Variants in DENND1A observed in about 807,000 individuals in gnomAD.
DENND1A encodes DENN domain-containing protein 1A.
A neutral mutation model predicts 113.7 loss-of-function variants in DENND1A; 51 were observed. That is an observed-to-expected ratio of 0.45 (90% CI 0.36 to 0.57). The LOEUF is 0.57. Ranked by LOEUF, DENND1A falls within the 20% of genes least tolerant of loss-of-function variation. DENND1A has a pLI of 0.00. For synonymous variants in DENND1A, 565 were observed against 570.8 expected (o/e 0.99, Z 0.14); for missense variants, 1,258 against 1,395.9 (o/e 0.90, Z 1.57).
At chr9:123,634,551 G>C (rs1302909180) in intron 9 of DENND1A, among the ~76,000 whole-genome samples, 3 of 152,164 alleles carry the variant, frequency 2.0e-5, no homozygotes, top group Non-Finnish European at 2.9e-5. Context: ...AAAGGCCTAT[G>C]TTCATTCCTT....
intron 13 of DENND1A, among the ~76,000 whole-genome samples, chr9:123,543,676 G>GC (rs1340308952): frequency 1.3e-5 from 2 of 152,154 alleles, no homozygotes; most frequent in African/African-American, 4.8e-5. Context: ...GCTACTTCCT[G>GC]CCCCCTGCTC....
intron 5 of DENND1A, among the ~76,000 whole-genome samples, chr9:123,745,186 T>C (rs2069386528): frequency 6.6e-6 from 1 of 152,202 alleles, no homozygotes; most frequent in Admixed American, 6.5e-5. Context: ...AGGACTGGAA[T>C]GCAGGCCCTA....
intron 11 of DENND1A, among the ~76,000 whole-genome samples, chr9:123,589,101 C>T (rs918693288): frequency 1.3e-5 from 2 of 152,110 alleles, no homozygotes; most frequent in African/African-American, 2.4e-5. Flanking sequence ...GATTTTCTCA[C>T]TGATTCTGAT....
At chr9:123,416,864 A>G (rs2044770522) in intron 19 of DENND1A, among the ~76,000 whole-genome samples, 1 of 152,238 alleles carries the variant, frequency 6.6e-6, no homozygotes. Context: ...AGGGGGATTC[A>G]GAGAATAAGA....
chr9:123,407,069 C>T (rs953976799), intron 20 of DENND1A, among the ~76,000 whole-genome samples: 6 of 150,310 alleles, frequency 4.0e-5, no homozygotes, highest in African/African-American at 1.2e-4. Flanking sequence ...AATGGCTCAG[C>T]GCCAACAAAC....
intron 15 of DENND1A, 38 bp from the exon 16 acceptor site, chr9:123,454,817 A>C (rs1037407628): frequency 6.7e-7 from 1 of 1,484,710 alleles, no homozygotes; most frequent in Non-Finnish European, 9.2e-7. Context: ...TCACTTAAAG[A>C]GGTGATTTGT....
At chr9:123,626,315 G>A (rs1010994794) in intron 10 of DENND1A, among the ~76,000 whole-genome samples, 6 of 152,110 alleles carry the variant, frequency 3.9e-5, no homozygotes, top group African/African-American at 7.2e-5. Context: ...AGGTGGGCGC[G>A]TCTGTGTGGG....
chr9:123,813,473 T>C (rs1369805600), intron 2 of DENND1A, among the ~76,000 whole-genome samples: 3 of 151,974 alleles, frequency 2.0e-5, no homozygotes, highest in Non-Finnish European at 4.4e-5. Flanking sequence ...ATAACCTTTT[T>C]ATTTCTAATT....
rs543317152 is a variant in DENND1A at position 123,642,368 on chromosome 9, C to T, written c.618+9645G>A. On this transcript the variant is annotated intron_variant, in intron 9 of 23. Coordinates refer to ENST00000394215, the MANE Select transcript of DENND1A (RefSeq NM_001352964.2). ...TGGACCACAATAAAATTGTATATAA[C>T]GGAGATTAGAGAGGCTGTGCTGCTT... Among the ~76,000 whole-genome samples the T allele has an allele frequency of 1.6e-4, 24 of 152,320 alleles. No homozygotes were observed. The South Asian group carries it at 2.7e-3, about 17-fold the overall frequency.
At chr9:123,669,639 G>C (rs567574521) in intron 7 of DENND1A, among the ~76,000 whole-genome samples, 2 of 152,188 alleles carry the variant, frequency 1.3e-5, no homozygotes, top group Non-Finnish European at 1.5e-5. Flanking sequence ...GCTACCTGTC[G>C]GATGTCATTA....
chr9:123,459,726 C>G (rs1353996175), intron 13 of DENND1A, among the ~76,000 whole-genome samples: 1 of 151,584 alleles, frequency 6.6e-6, no homozygotes, highest in African/African-American at 2.4e-5. Flanking sequence ...GTAGCAAACA[C>G]AGAGATGTTT....
Position 123,734,830 on chromosome 9 carries a change from G to T in DENND1A, c.302+22873C>A, listed in dbSNP as rs7043441. ...ATGAGCACATCCCAAGAGAGGGCTTGGGAAAATAATTTTTTTTATTTTTTA... is the reference window on the plus strand; with the variant it reads ...ATGAGCACATCCCAAGAGAGGGCTTTGGAAAATAATTTTTTTTATTTTTTA... On this transcript the variant is annotated intron_variant, in intron 5 of 23. Coordinates refer to ENST00000394215, the MANE Select transcript of DENND1A (RefSeq NM_001352964.2). 2.0e-5 allele frequency among the ~76,000 whole-genome samples: 3 copies of T among 151,914 alleles called. No individual in the cohort carries two copies. The South Asian group carries it at 6.2e-4, about 32-fold the overall frequency.
chr9:123,585,514 C>G (rs2059121640), intron 11 of DENND1A, among the ~76,000 whole-genome samples: 1 of 152,212 alleles, frequency 6.6e-6, no homozygotes. Flanking sequence ...AGCACAATCT[C>G]CATTTTACAC....
At position 123,401,798 on chromosome 9, in the gene DENND1A, C is replaced by A. The variant is rs749262859; in HGVS notation, c.1631+1604G>T. On this transcript the variant is annotated intron_variant, in intron 21 of 23. Coordinates refer to ENST00000394215, the MANE Select transcript of DENND1A (RefSeq NM_001352964.2). ...AGCCCCTCTGCCCAGTCTGGAAAAG[C>A]AACGGCGTAAGTCAATGTGATGAAG... 18 of 1,614,088 alleles carry A rather than the reference C, an allele frequency of 1.1e-5. No homozygotes were observed. In the South Asian group the frequency reaches 2.0e-4, roughly 18 times the overall value.
At chr9:123,652,772 GA>G (rs888598075) in intron 8 of DENND1A, among the ~76,000 whole-genome samples, 9 of 151,846 alleles carry the variant, frequency 5.9e-5, no homozygotes, top group African/African-American at 9.7e-5. Flanking sequence ...CTCAAAAGGG[GA>G]AAAAAAATTG....
intron 1 of DENND1A, among the ~76,000 whole-genome samples, chr9:123,915,717 T>A (rs1205427764): frequency 2.6e-5 from 4 of 152,072 alleles, no homozygotes; most frequent in Admixed American, 1.3e-4. Flanking sequence ...CCAGAAAAAC[T>A]AAAAATAGGG....
At chr9:123,655,924 C>A (rs1343412357) in intron 8 of DENND1A, among the ~76,000 whole-genome samples, 1 of 152,246 alleles carries the variant, frequency 6.6e-6, no homozygotes, top group East Asian at 1.9e-4. Flanking sequence ...GCCTAGCACC[C>A]TCCTGGGAGC....
intron 3 of DENND1A, among the ~76,000 whole-genome samples, 176 bp downstream of exon 3, chr9:123,792,411 C>A (rs1428020361): frequency 6.6e-6 from 1 of 152,102 alleles, no homozygotes; most frequent in African/African-American, 2.4e-5. Context: ...AAATCTAGCA[C>A]CAATATTTTC....
At chr9:123,427,538 C>T (rs1008586049) in intron 19 of DENND1A, among the ~76,000 whole-genome samples, 2 of 152,130 alleles carry the variant, frequency 1.3e-5, no homozygotes, top group African/African-American at 4.8e-5. Context: ...TATCTGGTGC[C>T]CTGGTTAATG....
Sources: gnomAD v4.1 joint callset for allele counts (sites outside exome capture counted in the v4.1 genomes callset) on GRCh38, gnomAD v4.1.1 for gene constraint, MANE v1.5 for transcripts, NCBI Gene and HGNC (gene_info 2026-07-23, HGNC 2026-07-21) for gene names.